DHPS: variants seen among roughly 807,000 people sequenced by gnomAD.
The protein encoded by DHPS is migration-inducing gene 13.
DHPS carries 24 observed loss-of-function variants against 38.7 expected under a neutral mutation model. The observed-to-expected ratio is 0.62, with a 90% CI of 0.45 to 0.87. DHPS has a LOEUF of 0.87. Ranked by LOEUF, DHPS falls within the 40% of genes least tolerant of loss-of-function variation. The pLI is 0.00. For missense variants in DHPS, 510 were observed against 497.6 expected (o/e 1.02, Z -0.24); for synonymous variants, 250 against 204.4 (o/e 1.22, Z -1.90).
chr19:12,673,331 G>A (rs1290238820), downstream of DHPS: 4 of 1,568,068 alleles, frequency 2.6e-6, no homozygotes, highest in Non-Finnish European at 2.6e-6. Flanking sequence ...GGTGCCCCCA[G>A]CCCTACTTCA....
At chr19:12,676,413 A>G (rs1213767390) in intron 7 of DHPS, 7 of 443,562 alleles carry the variant, frequency 1.6e-5, no homozygotes, top group Non-Finnish European at 2.9e-5. Context: ...CTATCTTCAG[A>G]AGCCCTCCAA....
At chr19:12,672,995 C>A, downstream of DHPS, 2 of 1,610,732 alleles carry the variant, frequency 1.2e-6, no homozygotes, top group Non-Finnish European at 1.7e-6. Flanking sequence ...CACCTACCCA[C>A]CCTTCCCCCA....
downstream of DHPS, chr19:12,673,315 A>C (rs371347150): frequency 7.9e-6 from 12 of 1,517,780 alleles, 1 homozygote; most frequent in Non-Finnish European, 1.1e-5. Flanking sequence ...GACCTGGTGG[A>C]GGTGAGGTGC....
intron 7 of DHPS, chr19:12,676,349 C>G: frequency 1.6e-6 from 1 of 636,138 alleles, no homozygotes; most frequent in Non-Finnish European, 2.6e-6. Flanking sequence ...CCAGACCCAA[C>G]AGCCAGGTGT....
At chr19:12,675,635 G>C, downstream of DHPS, 1 of 1,602,258 alleles carries the variant, frequency 6.2e-7, no homozygotes, top group Non-Finnish European at 8.5e-7. Context: ...CAGTGCTGGC[G>C]AGAGGAGGCC....
At chr19:12,676,348 A>G (rs527739079) in intron 7 of DHPS, 10 of 635,402 alleles carry the variant, frequency 1.6e-5, no homozygotes, top group African/African-American at 1.1e-4. Flanking sequence ...CCCAGACCCA[A>G]CAGCCAGGTG....
downstream of DHPS, chr19:12,673,364 C>CAG (rs755434433): frequency 7.6e-7 from 1 of 1,312,218 alleles, no homozygotes; most frequent in Non-Finnish European, 1.1e-6. Flanking sequence ...TGCCCCATCT[C>CAG]AGCCCTGTCC....
downstream of DHPS, chr19:12,673,034 C>G (rs768004409): frequency 6.2e-7 from 1 of 1,613,530 alleles, no homozygotes; most frequent in South Asian, 1.1e-5. Flanking sequence ...CTGCTTCAGC[C>G]GGGATGGGCA....
chr19:12,676,808 A>G (rs1043282445), intron 7 of DHPS: 12 of 437,072 alleles, frequency 2.7e-5, no homozygotes, highest in Non-Finnish European at 5.1e-5. Flanking sequence ...AGACAACCAC[A>G]TAGCTCCTGG....
downstream of DHPS, chr19:12,672,983 C>G (rs768152375): frequency 2.2e-5 from 35 of 1,605,430 alleles, no homozygotes; most frequent in Non-Finnish European, 2.6e-5. Context: ...CCCACCCTCA[C>G]TCACCTACCC....
At chr19:12,679,297 C>CA (rs373817355) in intron 5 of DHPS, among the ~76,000 whole-genome samples, 160 bp downstream of exon 5, 164 of 137,030 alleles carry the variant, frequency 1.2e-3, no homozygotes, top group South Asian at 2.8e-3. Flanking sequence ...GATCCTGTCT[C>CA]AAAAAAAAAA....
In DHPS at chr19:12,681,652, C is replaced by A. The variant is rs995232504; in HGVS notation, c.115G>T (p.Gly39Cys). The change falls in exon 1 of 9, where the codon GGT becomes TGT. Residue 39 changes from glycine to cysteine, a missense_variant. By Grantham distance (159) the Gly-to-Cys change is radical (BLOSUM62 -3). Transcript: ENST00000210060. ...TQVRGYDFNR[G>C]VNYRALLEAF... is the part of the protein sequence containing the mutation. ...TCCAGCAGTGCGCGGTAATTCACACCGCGGTTGAAGTCGTAGCCCCGGACC... is the reference window on the plus strand; with the variant it reads ...TCCAGCAGTGCGCGGTAATTCACACAGCGGTTGAAGTCGTAGCCCCGGACC... 5 of 1,614,110 alleles carry A rather than the reference C, an allele frequency of 3.1e-6. No homozygotes were observed. The highest frequency in any genetic ancestry group is 4.2e-6 in the Non-Finnish European group (5 of 1,180,062).
At chr19:12,673,399 A>G, downstream of DHPS, 1 of 543,700 alleles carries the variant, frequency 1.8e-6, no homozygotes, top group Non-Finnish European at 3.3e-6. Context: ...CCAGGGCCTG[A>G]AGGCTAGGAT....
downstream of DHPS, chr19:12,675,468 G>A: frequency 1.3e-6 from 2 of 1,574,544 alleles, no homozygotes; most frequent in Non-Finnish European, 1.7e-6. Context: ...AGGGACCTCA[G>A]AAACCAGGGT....
downstream of DHPS, chr19:12,672,771 G>A: frequency 1.4e-6 from 2 of 1,462,610 alleles, no homozygotes; most frequent in Non-Finnish European, 1.9e-6. Flanking sequence ...AGGCCCACTG[G>A]GCTGGGAAGG....
intron 1 of DHPS, 118 bp downstream of exon 1, chr19:12,681,442 T>G: frequency 7.9e-7 from 1 of 1,263,374 alleles, no homozygotes; most frequent in Non-Finnish European, 1.1e-6. Flanking sequence ...CTCCAACTAT[T>G]GGGCAACTCA....
At chr19:12,673,008 GCCC>G (rs2024469071), downstream of DHPS, 4 of 1,612,466 alleles carry the variant, frequency 2.5e-6, no homozygotes, top group Non-Finnish European at 3.4e-6. Context: ...TTCCCCCAAG[GCCC>G]CATCACCTGC....
At chr19:12,679,353 G>A (rs958222699) in intron 5 of DHPS, 104 bp downstream of exon 5, 1 of 1,111,014 alleles carries the variant, frequency 9.0e-7, no homozygotes, top group Admixed American at 1.8e-5. Context: ...ATCTAAGAGT[G>A]AGGATGCTGA....
downstream of DHPS, chr19:12,675,703 C>G (rs199954087): frequency 1.3e-6 from 2 of 1,595,976 alleles, no homozygotes; most frequent in East Asian, 2.2e-5. Flanking sequence ...GGACCAAGGA[C>G]CGAGACACAG....
Sources: allele counts gnomAD v4.1 joint callset (sites outside exome capture counted in the v4.1 genomes callset), GRCh38; gene constraint gnomAD v4.1.1; transcripts MANE v1.5; gene names NCBI Gene and HGNC (gene_info 2026-07-23, HGNC 2026-07-21).